ENTREP2: variants seen among roughly 807,000 people sequenced by gnomAD.
ENTREP2 encodes the protein protein ENTREP2.
At chr15:29,526,642 T>C in the ENTREP2 span, among the ~76,000 whole-genome samples, 13 of 151,954 alleles carry the variant, frequency 8.6e-5, 1 homozygote, top group Non-Finnish European at 2.9e-5. Context: ...AAAAAAATTT[T>C]TTTTTTTTTA....
the ENTREP2 span, among the ~76,000 whole-genome samples, chr15:29,131,597 CCTT>C: frequency 1.5e-5 from 2 of 130,110 alleles, no homozygotes; most frequent in South Asian, 2.8e-4. Context: ...ACCTCCCCCT[CCTT>C]CACACACCCC....
chr15:29,521,861 A>AACACAC, the ENTREP2 span, among the ~76,000 whole-genome samples: 179 of 151,260 alleles, frequency 1.2e-3, no homozygotes, highest in Middle Eastern at 3.4e-3. Context: ...CATACACTTA[A>AACACAC]ACACACACAC....
the ENTREP2 span, among the ~76,000 whole-genome samples, chr15:29,135,038 G>A: frequency 6.6e-6 from 1 of 152,042 alleles, no homozygotes; most frequent in Non-Finnish European, 1.5e-5. This position sits in a 1 kb window ranked among gnomAD's most constrained non-coding sequence, Gnocchi z 7.4. Flanking sequence ...AGTTCTGGGT[G>A]GGCCTGGATG....
At chr15:29,258,178 A>G in the ENTREP2 span, among the ~76,000 whole-genome samples, 5 of 144,974 alleles carry the variant, frequency 3.4e-5, no homozygotes, top group Non-Finnish European at 7.4e-5. Context: ...GCACCACTGC[A>G]CTCTAGCCTG....
the ENTREP2 span, among the ~76,000 whole-genome samples, chr15:29,549,838 C>G: frequency 6.6e-6 from 1 of 152,156 alleles, no homozygotes; most frequent in African/African-American, 2.4e-5. Context: ...TCCTGGAACT[C>G]CCTCTCTCAG....
At chr15:29,271,536 A>G in the ENTREP2 span, among the ~76,000 whole-genome samples, 1 of 152,234 alleles carries the variant, frequency 6.6e-6, no homozygotes, top group Non-Finnish European at 1.5e-5. Context: ...AGTAGTTAAA[A>G]ATCAACTCAT....
chr15:29,593,473 T>A, the ENTREP2 span, among the ~76,000 whole-genome samples: 3 of 152,084 alleles, frequency 2.0e-5, 1 homozygote, highest in South Asian at 6.2e-4. Flanking sequence ...GTCCACTCCA[T>A]CTCAGCTGCC....
chr15:29,131,753 AGG>A, the ENTREP2 span, among the ~76,000 whole-genome samples: 3 of 138,510 alleles, frequency 2.2e-5, no homozygotes, highest in Non-Finnish European at 4.6e-5. Flanking sequence ...GTGCCACGAC[AGG>A]GGGATTCTGT....
chr15:29,558,888 A>G, the ENTREP2 span, among the ~76,000 whole-genome samples: 1 of 151,582 alleles, frequency 6.6e-6, no homozygotes, highest in African/African-American at 2.4e-5. Flanking sequence ...TCTTTCCTCC[A>G]GCTTACTTTA....
chr15:29,270,574 A>G, the ENTREP2 span, among the ~76,000 whole-genome samples: 1 of 152,230 alleles, frequency 6.6e-6, no homozygotes, highest in African/African-American at 2.4e-5. Flanking sequence ...ATTACTACTT[A>G]ATTTGGGGCA....
At chr15:29,130,171 T>C in the ENTREP2 span, among the ~76,000 whole-genome samples, 7 of 152,158 alleles carry the variant, frequency 4.6e-5, no homozygotes, top group Non-Finnish European at 1.0e-4. Context: ...GAGAGGTGGT[T>C]CCGAGACAAA....
chr15:29,368,337 A>AAAAATAT, the ENTREP2 span, among the ~76,000 whole-genome samples: 16,127 of 145,426 alleles, frequency 0.11, 1,086 homozygotes, highest in East Asian at 0.22. Context: ...CAAAAAAAAA[A>AAAAATAT]ATATATATAT....
At chr15:29,519,732 T>A in the ENTREP2 span, among the ~76,000 whole-genome samples, 1 of 152,200 alleles carries the variant, frequency 6.6e-6, no homozygotes, top group African/African-American at 2.4e-5. Context: ...TTGGGTCCCA[T>A]CAGGGCTCTG....
the ENTREP2 span, among the ~76,000 whole-genome samples, chr15:29,644,631 CGT>C: frequency 6.6e-6 from 1 of 151,680 alleles, no homozygotes; most frequent in Non-Finnish European, 1.5e-5. Flanking sequence ...GGTGAAACCC[CGT>C]CTCTACTAAC....
chr15:29,621,790 G>A, the ENTREP2 span, among the ~76,000 whole-genome samples: 1 of 152,010 alleles, frequency 6.6e-6, no homozygotes, highest in Non-Finnish European at 1.5e-5. Flanking sequence ...AGAAAGCAGG[G>A]TCTTGAAGTG....
chr15:29,465,883 G>A, the ENTREP2 span, among the ~76,000 whole-genome samples: 23 of 152,306 alleles, frequency 1.5e-4, no homozygotes, highest in South Asian at 8.3e-4. Flanking sequence ...GTTCAGATTT[G>A]ATAAGGTCTC....
the ENTREP2 span, among the ~76,000 whole-genome samples, chr15:29,391,759 T>G: frequency 6.6e-6 from 1 of 152,224 alleles, no homozygotes; most frequent in Non-Finnish European, 1.5e-5. Context: ...CATTTTAAAA[T>G]ATTTTTAGTT....
the ENTREP2 span, among the ~76,000 whole-genome samples, chr15:29,363,414 CA>C: frequency 2.6e-5 from 4 of 152,122 alleles, no homozygotes; most frequent in African/African-American, 9.7e-5. Flanking sequence ...CAGAATATGG[CA>C]AACAGATGAC....
the ENTREP2 span, among the ~76,000 whole-genome samples, chr15:29,150,973 C>A: frequency 1.3e-5 from 2 of 152,240 alleles, no homozygotes; most frequent in South Asian, 4.2e-4. Flanking sequence ...CTCATACACA[C>A]ACACACGCGT....
Sources: gnomAD v4.1 joint callset for allele counts (sites outside exome capture counted in the v4.1 genomes callset) on GRCh38, gnomAD v4.1.1 for gene constraint, Gnocchi (gnomAD v3.1) non-coding constraint, MANE v1.5 for transcripts, NCBI Gene and HGNC (gene_info 2026-07-23, HGNC 2026-07-21) for gene names.